The following PPP1R12A variants were observed in gnomAD, a reference collection of about 807,000 sequenced individuals.
PPP1R12A encodes myosin binding subunit.
Under a neutral mutation model 139.6 loss-of-function variants are expected in PPP1R12A, and 19 were observed. The observed-to-expected ratio is 0.14, with a 90% confidence interval of 0.09 to 0.20. The LOEUF (loss-of-function observed/expected upper bound fraction) is 0.20, where lower values mean the gene tolerates loss of function less well. Ranked by LOEUF, PPP1R12A falls within the 10% of genes least tolerant of loss-of-function variation. The pLI, the probability that PPP1R12A is intolerant of heterozygous loss-of-function variation, is 1.00. For synonymous variants in PPP1R12A, 427 were observed against 420.6 expected (o/e 1.02, Z -0.19); for missense variants, 925 against 1,211.5 (o/e 0.76, Z 3.51).
chr12:79,813,694 T>A (rs1227225798), intron 9 of PPP1R12A, among the ~76,000 whole-genome samples: 3 of 152,204 alleles, frequency 2.0e-5, no homozygotes, highest in Non-Finnish European at 2.9e-5. Flanking sequence ...AAACTGATGG[T>A]TTTATAGATA....
intron 14 of PPP1R12A, among the ~76,000 whole-genome samples, chr12:79,803,087 G>A (rs910063647): frequency 6.6e-6 from 1 of 152,090 alleles, no homozygotes; most frequent in Admixed American, 6.5e-5. Flanking sequence ...GGGGATAAAA[G>A]TTACTAACTG....
chr12:79,806,483 C>A, intron 12 of PPP1R12A, 150 bp from the exon 13 acceptor site: 1 of 661,138 alleles, frequency 1.5e-6, no homozygotes, highest in Non-Finnish European at 2.5e-6. Context: ...AGAGTTGCAT[C>A]TACAACTTGC....
chr12:79,856,591 A>C (rs528858560), intron 2 of PPP1R12A, among the ~76,000 whole-genome samples: 1 of 152,332 alleles, frequency 6.6e-6, no homozygotes, highest in Non-Finnish European at 1.5e-5. Flanking sequence ...CTTTAGAGTG[A>C]ACCAAAAACT....
intron 1 of PPP1R12A, among the ~76,000 whole-genome samples, chr12:79,876,991 A>G (rs1373863066): frequency 6.6e-6 from 1 of 151,006 alleles, no homozygotes; most frequent in Non-Finnish European, 1.5e-5. Flanking sequence ...AGCCTGGGCA[A>G]CAGAGCAAGA....
intron 24 of PPP1R12A, 101 bp from the exon 25 acceptor site, chr12:79,776,116 A>G: frequency 1.4e-6 from 1 of 713,964 alleles, no homozygotes; most frequent in Non-Finnish European, 2.2e-6. Context: ...ACACATGATC[A>G]AGCTTTGTCA....
intron 1 of PPP1R12A, among the ~76,000 whole-genome samples, chr12:79,926,288 C>A (rs1887835701): frequency 6.6e-6 from 1 of 152,132 alleles, no homozygotes; most frequent in Non-Finnish European, 1.5e-5. Flanking sequence ...TGGGTTCAGG[C>A]GATTCTCGTG....
intron 9 of PPP1R12A, among the ~76,000 whole-genome samples, chr12:79,815,539 A>T (rs1181975431): frequency 1.3e-5 from 2 of 151,820 alleles, no homozygotes; most frequent in Non-Finnish European, 2.9e-5. Flanking sequence ...AAAAAAAAAA[A>T]GATAGCCAGT....
At chr12:79,837,121 T>C (rs997301726) in intron 3 of PPP1R12A, among the ~76,000 whole-genome samples, 1 of 152,216 alleles carries the variant, frequency 6.6e-6, no homozygotes, top group African/African-American at 2.4e-5. Context: ...AAAAATCTTA[T>C]AATGCATTTA....
At chr12:79,935,407 G>A (rs1273562966), upstream of PPP1R12A, 1 of 992,156 alleles carries the variant, frequency 1.0e-6, no homozygotes, top group Non-Finnish European at 1.2e-6. Flanking sequence ...GGGGCTCCCG[G>A]GAATCCGGAG....
chr12:79,787,841 T>C (rs1234491759), intron 21 of PPP1R12A: 2 of 152,240 alleles, frequency 1.3e-5, no homozygotes, highest in Non-Finnish European at 2.9e-5. Context: ...TTTTGTTATA[T>C]ACTTTTATAA....
intron 1 of PPP1R12A, among the ~76,000 whole-genome samples, chr12:79,925,390 A>C (rs1454288770): frequency 2.0e-5 from 3 of 152,188 alleles, no homozygotes; most frequent in Non-Finnish European, 4.4e-5. Context: ...ATTCAAGAAA[A>C]TGACATGAGC....
chr12:79,822,000 T>C (rs1876177019), intron 6 of PPP1R12A, 116 bp downstream of exon 6: 1 of 679,328 alleles, frequency 1.5e-6, no homozygotes, highest in Non-Finnish European at 2.4e-6. Flanking sequence ...TTAGTGAAAC[T>C]TAAGGATAAC....
intron 23 of PPP1R12A, chr12:79,779,751 C>T (rs888118245): frequency 1.1e-5 from 2 of 180,210 alleles, no homozygotes; most frequent in Non-Finnish European, 2.4e-5. Context: ...GGTAATCTCC[C>T]TATGAGCCTC....
At chr12:79,813,762 G>A (rs750046083) in intron 9 of PPP1R12A, among the ~76,000 whole-genome samples, 2 of 152,100 alleles carry the variant, frequency 1.3e-5, no homozygotes, top group African/African-American at 2.4e-5. Context: ...TAATTTCAGC[G>A]GAAGGGTTAA....
intron 1 of PPP1R12A, among the ~76,000 whole-genome samples, chr12:79,890,182 T>A (rs536333094): frequency 6.6e-5 from 10 of 152,064 alleles, no homozygotes; most frequent in African/African-American, 2.4e-4. Flanking sequence ...TTGAATAAAA[T>A]AAGAGATCAA....
chr12:79,857,478 T>C (rs1431045607), intron 2 of PPP1R12A, among the ~76,000 whole-genome samples: 2 of 152,038 alleles, frequency 1.3e-5, no homozygotes, highest in African/African-American at 2.4e-5. Flanking sequence ...ATATACCTAA[T>C]GCTAAATGAC....
chr12:79,821,079 T>C lies in PPP1R12A; in HGVS notation c.955A>G (p.Asn319Asp), dbSNP rs763697831. ...DNNQSQKTFK[N>D]KETLIIEPEK... ...AATGTACTTGAATATTTTACTCACT[T>C]TTTAAAGGTCTTCTGTGACTGATTA... is the stretch of plus-strand genomic sequence containing the variant. Residue 319 changes from asparagine to aspartate, a missense_variant and splice_region_variant, in exon 7 of 25, where the codon AAC becomes GAC. Asn to Asp is a conservative substitution (Grantham distance 23). Around this residue, in one of 4 missense-constraint regions of PPP1R12A, gnomAD observed 403 missense variants for 463.7 expected, o/e 0.87. Transcript: ENST00000450142. 13 of 1,609,080 alleles carry C rather than the reference T, an allele frequency of 8.1e-6. No individual in the cohort carries two copies. Among genetic ancestry groups the C allele is most frequent in the Admixed American group, 1.7e-5 (1 of 59,782 alleles).
chr12:79,796,606 T>C (rs1024244711), intron 17 of PPP1R12A, among the ~76,000 whole-genome samples, 176 bp downstream of exon 17: 3 of 152,142 alleles, frequency 2.0e-5, no homozygotes, highest in Non-Finnish European at 4.4e-5. Flanking sequence ...CAGCAGGCCA[T>C]ATTCTATTTC....
chr12:79,830,261 T>A (rs1488439132), intron 4 of PPP1R12A, among the ~76,000 whole-genome samples: 1 of 152,122 alleles, frequency 6.6e-6, no homozygotes, highest in African/African-American at 2.4e-5. Context: ...CAATTTTAAT[T>A]TTTTTTACAA....
Sources: gnomAD v4.1 joint callset for allele counts (sites outside exome capture counted in the v4.1 genomes callset) on GRCh38, gnomAD v4.1.1 for gene constraint, gnomAD v4.1.1 regional missense constraint, MANE v1.5 for transcripts, NCBI Gene and HGNC (gene_info 2026-07-23, HGNC 2026-07-21) for gene names.